Variants in LINGO2 observed in about 807,000 individuals in gnomAD.
LINGO2 encodes leucine-rich repeat and immunoglobulin-like domain-containing nogo receptor-interacting protein 2.
LINGO2 carries 14 observed loss-of-function variants against 30.6 expected under a neutral mutation model. The ratio of observed to expected loss-of-function variants is 0.46; its 90% confidence interval spans 0.30 to 0.72. LINGO2 has a LOEUF of 0.72. Ranked by LOEUF, LINGO2 falls within the 30% of genes least tolerant of loss-of-function variation. The pLI, the probability that LINGO2 is intolerant of heterozygous loss-of-function variation, is 0.07. For missense variants in LINGO2, 729 were observed against 751.7 expected (o/e 0.97, Z 0.35); for synonymous variants, 317 against 288.5 (o/e 1.10, Z -1.00).
chr9:28,795,382 A>C, the LINGO2 span, among the ~76,000 whole-genome samples: 2 of 152,176 alleles, frequency 1.3e-5, no homozygotes, highest in South Asian at 4.1e-4. Flanking sequence ...AATATATGAC[A>C]GTAGGAAGAG....
the LINGO2 span, among the ~76,000 whole-genome samples, chr9:29,177,053 A>T: frequency 6.6e-6 from 1 of 152,240 alleles, no homozygotes; most frequent in Non-Finnish European, 1.5e-5. Context: ...ACCACCACAA[A>T]TAAATGAGGG....
chr9:28,060,172 G>A (rs117834116), intron 4 of LINGO2, among the ~76,000 whole-genome samples: 1,564 of 152,172 alleles, frequency 0.01, 18 homozygotes, highest in South Asian at 0.032. Context: ...AAGTGGATAC[G>A]TAATTTTTCC....
chr9:28,318,127 A>G (rs1474626437), intron 3 of LINGO2, among the ~76,000 whole-genome samples: 6 of 152,186 alleles, frequency 3.9e-5, no homozygotes, highest in South Asian at 2.1e-4. Context: ...TCAGGCTACA[A>G]TTGGACTAAT....
At chr9:28,066,817 A>G (rs1305223086) in intron 4 of LINGO2, among the ~76,000 whole-genome samples, 2 of 152,020 alleles carry the variant, frequency 1.3e-5, no homozygotes, top group Admixed American at 6.6e-5. Context: ...CTAAGCAATA[A>G]TGTGTTATTC....
chr9:29,079,445 T>C, the LINGO2 span, among the ~76,000 whole-genome samples: 1 of 151,996 alleles, frequency 6.6e-6, no homozygotes, highest in Non-Finnish European at 1.5e-5. Flanking sequence ...AAAATATAGT[T>C]ATTTATAGAC....
the LINGO2 span, among the ~76,000 whole-genome samples, chr9:28,699,105 G>A: frequency 6.6e-6 from 1 of 151,728 alleles, no homozygotes; most frequent in Non-Finnish European, 1.5e-5. Context: ...AATTACTATG[G>A]TCAATGAACA....
chr9:28,260,567 G>A (rs1822530401), intron 4 of LINGO2, among the ~76,000 whole-genome samples: 1 of 151,422 alleles, frequency 6.6e-6, no homozygotes, highest in African/African-American at 2.4e-5. Flanking sequence ...CTCACATCAG[G>A]GTGTGGCCTG....
chr9:28,858,881 C>G, the LINGO2 span, among the ~76,000 whole-genome samples: 6,546 of 152,080 alleles, frequency 0.043, 215 homozygotes, highest in Admixed American at 0.084. Context: ...AAACGTAGCT[C>G]TTGTGATTTT....
At chr9:28,988,459 G>A in the LINGO2 span, among the ~76,000 whole-genome samples, 1 of 152,028 alleles carries the variant, frequency 6.6e-6, no homozygotes, top group East Asian at 1.9e-4. Flanking sequence ...AGCATATAGT[G>A]GAGTCTTTAA....
At chr9:28,390,716 C>G (rs566666640) in intron 2 of LINGO2, among the ~76,000 whole-genome samples, 1 of 152,292 alleles carries the variant, frequency 6.6e-6, no homozygotes, top group Admixed American at 6.5e-5. Flanking sequence ...ACACATCTGA[C>G]TTCTCCTAGG....
chr9:28,933,273 A>C, the LINGO2 span, among the ~76,000 whole-genome samples: 2 of 152,144 alleles, frequency 1.3e-5, no homozygotes, highest in African/African-American at 2.4e-5. Context: ...TATAATTTTC[A>C]ACATATCACC....
At chr9:28,650,929 G>A (rs1489129623) in intron 1 of LINGO2, among the ~76,000 whole-genome samples, 1 of 152,102 alleles carries the variant, frequency 6.6e-6, no homozygotes, top group African/African-American at 2.4e-5. Context: ...GATGGCTTAC[G>A]CCTGTAATCC....
chr9:28,743,160 A>G, the LINGO2 span, among the ~76,000 whole-genome samples: 1 of 151,894 alleles, frequency 6.6e-6, no homozygotes, highest in South Asian at 2.1e-4. Flanking sequence ...TTCATTCACC[A>G]TCATTTTTAT....
At chr9:28,640,701 A>G (rs371706288) in intron 1 of LINGO2, among the ~76,000 whole-genome samples, 1 of 151,794 alleles carries the variant, frequency 6.6e-6, no homozygotes, top group Non-Finnish European at 1.5e-5. Context: ...ACTTCTCTGC[A>G]TTGGTTATTC....
At chr9:29,078,876 A>T in the LINGO2 span, among the ~76,000 whole-genome samples, 347 of 151,972 alleles carry the variant, frequency 2.3e-3, 1 homozygote, top group Non-Finnish European at 3.5e-3. Context: ...AATTCCTAGG[A>T]TCAAGGCTGA....
At chr9:28,077,362 T>A (rs2133201463) in intron 4 of LINGO2, among the ~76,000 whole-genome samples, 1 of 152,254 alleles carries the variant, frequency 6.6e-6, no homozygotes, top group South Asian at 2.1e-4. Flanking sequence ...ATCAAGTGAG[T>A]CTTACAAAAA....
the LINGO2 span, among the ~76,000 whole-genome samples, chr9:28,774,401 A>C: frequency 1.3e-5 from 2 of 152,340 alleles, no homozygotes; most frequent in East Asian, 3.9e-4. Flanking sequence ...CGTATCCAAC[A>C]AAAATCTCAT....
chr9:28,926,417 T>C, the LINGO2 span, among the ~76,000 whole-genome samples: 3 of 152,214 alleles, frequency 2.0e-5, no homozygotes, highest in Admixed American at 2.0e-4. Context: ...GCCTTAAATA[T>C]GGGCTTTAGA....
the LINGO2 span, among the ~76,000 whole-genome samples, chr9:28,791,266 T>C: frequency 6.6e-6 from 1 of 152,094 alleles, no homozygotes; most frequent in Non-Finnish European, 1.5e-5. Context: ...ATTCTTTATC[T>C]TAAAGGAGTT....
Sources: gnomAD v4.1 joint callset for allele counts (sites outside exome capture counted in the v4.1 genomes callset) on GRCh38, gnomAD v4.1.1 for gene constraint, MANE v1.5 for transcripts, NCBI Gene and HGNC (gene_info 2026-07-23, HGNC 2026-07-21) for gene names.